Variants in ABCB5 observed in about 807,000 individuals in gnomAD.
The protein encoded by ABCB5 is ATP-binding cassette sub-family B member 5.
A neutral mutation model predicts 144.2 loss-of-function variants in ABCB5; 155 were observed. The observed-to-expected ratio is 1.08, with a 90% CI of 0.94 to 1.23. ABCB5 has a LOEUF of 1.23. Ranked by LOEUF, ABCB5 falls within the 50% of genes most tolerant of loss-of-function variation. The pLI is 0.00. For synonymous variants in ABCB5, 610 were observed against 528.6 expected (o/e 1.15, Z -2.11); for missense variants, 1,830 against 1,520.8 (o/e 1.20, Z -3.38).
At chr7:20,708,786 G>T (rs923895344) in intron 20 of ABCB5, among the ~76,000 whole-genome samples, 1 of 152,140 alleles carries the variant, frequency 6.6e-6, no homozygotes, top group Non-Finnish European at 1.5e-5. Flanking sequence ...ATTTTCACAA[G>T]CTTTGTAAAT....
At chr7:20,738,893 C>G (rs1194039148) in intron 23 of ABCB5, 90 bp from the exon 24 acceptor site, 4 of 1,376,230 alleles carry the variant, frequency 2.9e-6, no homozygotes, top group Non-Finnish European at 2.9e-6. Flanking sequence ...AGATTATATT[C>G]CTGTGCCTGC....
chr7:20,750,383 T>TACACACACACACACAC (rs3033674), intron 26 of ABCB5, among the ~76,000 whole-genome samples: 4 of 140,992 alleles, frequency 2.8e-5, no homozygotes, highest in African/African-American at 1.0e-4. Flanking sequence ...GGCTTCCCCC[T>TACACACACACACACAC]ACACACACAC....
chr7:20,700,754 T>G (rs920921640), intron 19 of ABCB5, among the ~76,000 whole-genome samples: 1 of 152,174 alleles, frequency 6.6e-6, no homozygotes, highest in African/African-American at 2.4e-5. Context: ...GACTGGCACC[T>G]CTAAAATTCT....
At chr7:20,660,545 G>A (rs1320967363) in intron 14 of ABCB5, among the ~76,000 whole-genome samples, 1 of 152,126 alleles carries the variant, frequency 6.6e-6, no homozygotes, top group Non-Finnish European at 1.5e-5. Context: ...ATACAGGCAG[G>A]GTGATGGAAG....
At chr7:20,684,086 A>C (rs1785914757) in intron 15 of ABCB5, among the ~76,000 whole-genome samples, 1 of 152,232 alleles carries the variant, frequency 6.6e-6, no homozygotes, top group Non-Finnish European at 1.5e-5. Flanking sequence ...AACAGGCAAA[A>C]TCATGTGAAG....
chr7:20,637,215 A>G (rs1036302013), intron 5 of ABCB5, among the ~76,000 whole-genome samples: 1 of 152,178 alleles, frequency 6.6e-6, no homozygotes, highest in Non-Finnish European at 1.5e-5. Context: ...AAAGAATTCT[A>G]TTCTACCTGT....
Position 20,698,419 on chromosome 7 carries a change from G to A in ABCB5, c.2023G>A (p.Glu675Lys). The change falls in exon 17 of 28, where the codon GAA (glutamate) becomes AAA (lysine). Residue 675 changes from glutamate to lysine, a missense_variant. Physicochemically the swap from Glu to Lys is moderately conservative, Grantham distance 56. Transcript: ENST00000404938. ...ATTTTATTTTTAGATAAGTCTTCCT[G>A]AAGTCTCTCTATTAAAAATTTTAAA... ...STQSKEISLP[E>K]VSLLKILKLN... 1 of 1,575,598 alleles carries A rather than the reference G, an allele frequency of 6.3e-7. No homozygotes were observed.
chr7:20,658,695 T>C lies in ABCB5; in HGVS notation c.1707+19T>C. On this transcript the variant is annotated intron_variant, in intron 14 of 27. Transcript: ENST00000404938. ...GGAGAAGGTAAGTGAGCAGAAACGT[T>C]TCTTATTTCCATACTCCTGGTTCAT... 6.2e-7 allele frequency: 1 copy of C among 1,611,694 alleles called. No individual in the cohort carries two copies. The highest frequency in any genetic ancestry group is 8.5e-7 in the Non-Finnish European group (1 of 1,179,138).
intron 23 of ABCB5, among the ~76,000 whole-genome samples, chr7:20,736,915 C>T (rs35621824): frequency 2.0e-5 from 3 of 151,908 alleles, no homozygotes; most frequent in African/African-American, 7.3e-5. Flanking sequence ...CTAGGCCGGG[C>T]GCAGTGGCTC....
chr7:20,681,056 CTCTCTTTCTTTCTTTCTTTCTTTCTT>C (rs1562559106), intron 14 of ABCB5, among the ~76,000 whole-genome samples: 1,882 of 51,308 alleles, frequency 0.037, 260 homozygotes, highest in Admixed American at 0.1. Context: ...TTCTCTCTCT[CTCTCTTTCTTTCTTTCTTTCTTTCTT>C]TCTTTCTTTC....
chr7:20,679,706 G>C (rs1785729248), intron 14 of ABCB5, among the ~76,000 whole-genome samples: 1 of 152,154 alleles, frequency 6.6e-6, no homozygotes, highest in Non-Finnish European at 1.5e-5. Flanking sequence ...AACTTTATTA[G>C]TCATCGAGAA....
chr7:20,668,590 T>TTGG (rs1220263603), intron 14 of ABCB5, among the ~76,000 whole-genome samples: 5 of 110,840 alleles, frequency 4.5e-5, no homozygotes, highest in Non-Finnish European at 7.6e-5. Flanking sequence ...GGGAGGGAGG[T>TTGG]GGGGGGGGGG....
chr7:20,725,268 A>T (rs755662698), intron 21 of ABCB5, among the ~76,000 whole-genome samples: 2 of 151,660 alleles, frequency 1.3e-5, no homozygotes, highest in Non-Finnish European at 2.9e-5. Context: ...TGGAAAAATT[A>T]TCAAACGTTT....
chr7:20,658,201 T>C (rs1784873193), intron 13 of ABCB5, among the ~76,000 whole-genome samples: 1 of 152,196 alleles, frequency 6.6e-6, no homozygotes, highest in Non-Finnish European at 1.5e-5. Context: ...ATTCTAAAAA[T>C]ATCTAAAAGA....
At chr7:20,722,919 T>TA in intron 20 of ABCB5, 97 bp from the exon 21 acceptor site, 2 of 1,021,794 alleles carry the variant, frequency 2.0e-6, no homozygotes, top group East Asian at 4.9e-5. Flanking sequence ...AATTCTTTTT[T>TA]TAAAAAGTCT....
At chr7:20,739,307 C>T (rs1262402645) in intron 24 of ABCB5, among the ~76,000 whole-genome samples, 168 bp downstream of exon 24, 3 of 151,928 alleles carry the variant, frequency 2.0e-5, no homozygotes, top group Non-Finnish European at 2.9e-5. Context: ...ATCAGCATTA[C>T]GCAATATACC....
intron 5 of ABCB5, among the ~76,000 whole-genome samples, chr7:20,642,954 T>A (rs1377386584): frequency 1.3e-5 from 2 of 152,224 alleles, no homozygotes; most frequent in Non-Finnish European, 2.9e-5. Flanking sequence ...GTAGCAAGAA[T>A]GTTTTAAAAT....
intron 7 of ABCB5, among the ~76,000 whole-genome samples, chr7:20,645,548 A>C (rs1045113067): frequency 2.6e-5 from 4 of 152,182 alleles, no homozygotes; most frequent in Non-Finnish European, 5.9e-5. Flanking sequence ...AATCAGGTAA[A>C]CCTGTCTAGT....
rs759616937 is a variant in ABCB5 at position 20,755,465 on chromosome 7, G to C, written c.3615G>C (p.Arg1205Ser). 6.2e-7 allele frequency: 1 copy of C among 1,614,054 alleles called. No homozygotes were observed. Among genetic ancestry groups the C allele is most frequent in the Non-Finnish European group, 8.5e-7 (1 of 1,180,048 alleles). Residue 1205 changes from arginine (R) to serine (S), a missense_variant, in exon 28 of 28, where the codon AGG (arginine) becomes AGC (serine). Coordinates refer to ENST00000404938, the MANE Select transcript of ABCB5 (RefSeq NM_001163941.2). ...QHALDKARTG[R>S]TCLVVTHRLS... is the part of the protein sequence containing the mutation. ...CCCTTGATAAAGCCAGGACGGGAAG[G>C]ACATGCCTAGTGGTCACTCACAGGC...
Sources: allele counts gnomAD v4.1 joint callset (sites outside exome capture counted in the v4.1 genomes callset), GRCh38; gene constraint gnomAD v4.1.1; transcripts MANE v1.5; gene names NCBI Gene and HGNC (gene_info 2026-07-23, HGNC 2026-07-21).